The following SHTN1 variants were observed in gnomAD, a reference collection of about 807,000 sequenced individuals.
The protein encoded by SHTN1 is shootin-1.
A neutral mutation model predicts 83.1 loss-of-function variants in SHTN1; 42 were observed. The ratio of observed to expected loss-of-function variants is 0.51; its 90% CI spans 0.39 to 0.65. The LOEUF is 0.65. Ranked by LOEUF, SHTN1 falls within the 30% of genes least tolerant of loss-of-function variation. SHTN1 has a pLI of 0.00. For synonymous variants in SHTN1, 224 were observed against 247.7 expected, an observed-to-expected ratio of 0.90 and a Z score of 0.90; for missense variants, 622 against 737.8, an observed-to-expected ratio of 0.84 and a Z score of 1.82.
chr10:116,939,680 G>A (rs1849295517), intron 9 of SHTN1, among the ~76,000 whole-genome samples: 1 of 152,212 alleles, frequency 6.6e-6, no homozygotes, highest in South Asian at 2.1e-4. Context: ...CACCAAGTTT[G>A]TAAAAACTTC....
chr10:117,084,048 C>G (rs1853311828), intron 1 of SHTN1, among the ~76,000 whole-genome samples: 1 of 152,208 alleles, frequency 6.6e-6, no homozygotes, highest in Non-Finnish European at 1.5e-5. Flanking sequence ...CTCAGCTCGT[C>G]AAAGTCATTC....
chr10:116,965,448 C>T (rs558753446), intron 3 of SHTN1, among the ~76,000 whole-genome samples: 2 of 152,262 alleles, frequency 1.3e-5, no homozygotes, highest in South Asian at 2.1e-4. Flanking sequence ...ATCCAGGAGG[C>T]GGAGGTCGCA....
At chr10:116,940,443 G>C (rs775784212) in intron 9 of SHTN1, 23 bp downstream of exon 9, 2 of 1,611,788 alleles carry the variant, frequency 1.2e-6, no homozygotes, top group African/African-American at 2.7e-5. Flanking sequence ...GTGTACCTAA[G>C]ATTCCAGAAG....
At chr10:117,013,335 A>G (rs1411833933) in intron 2 of SHTN1, among the ~76,000 whole-genome samples, 1 of 151,898 alleles carries the variant, frequency 6.6e-6, no homozygotes, top group Admixed American at 6.6e-5. Context: ...CACCACGCCC[A>G]CCTAATTTTT....
intron 2 of SHTN1, among the ~76,000 whole-genome samples, chr10:117,028,024 G>T (rs925557421): frequency 1.3e-5 from 2 of 152,142 alleles, no homozygotes; most frequent in African/African-American, 4.8e-5. Flanking sequence ...GCTGATAGTG[G>T]TATTGACAGT....
At chr10:116,973,847 C>T (rs1850702143) in intron 2 of SHTN1, 2 of 1,275,380 alleles carry the variant, frequency 1.6e-6, no homozygotes, top group Non-Finnish European at 2.0e-6. Context: ...GTGTACTTTA[C>T]CTGTTTACCT....
chr10:117,050,227 T>C (rs1852721648), intron 1 of SHTN1, among the ~76,000 whole-genome samples: 1 of 151,746 alleles, frequency 6.6e-6, no homozygotes, highest in South Asian at 2.1e-4. Context: ...TGGAAAACAA[T>C]CAATAAAACT....
intron 15 of SHTN1, among the ~76,000 whole-genome samples, chr10:116,902,510 GAA>G (rs372851799): frequency 5.3e-5 from 8 of 152,276 alleles, no homozygotes; most frequent in African/African-American, 1.9e-4. Flanking sequence ...AATTAAGTGG[GAA>G]AGAGTTTGGC....
At chr10:117,004,865 CG>C (rs1851954579) in intron 1 of SHTN1, among the ~76,000 whole-genome samples, 156 bp downstream of exon 1, 1 of 152,200 alleles carries the variant, frequency 6.6e-6, no homozygotes, top group Non-Finnish European at 1.5e-5. Context: ...GCGCCGGCCA[CG>C]GAGGACGCTT....
intron 2 of SHTN1, among the ~76,000 whole-genome samples, chr10:117,040,899 T>C (rs1381635687): frequency 2.0e-5 from 3 of 151,966 alleles, no homozygotes; most frequent in East Asian, 1.9e-4. Flanking sequence ...TGTAATTTTA[T>C]TTTTATACTC....
chr10:116,934,575 G>T (rs183498977), intron 9 of SHTN1, among the ~76,000 whole-genome samples: 2 of 152,120 alleles, frequency 1.3e-5, no homozygotes. Flanking sequence ...CTGTAGCCTC[G>T]TAGCATAGTT....
At chr10:117,004,736 G>C (rs914327278) in intron 1 of SHTN1, among the ~76,000 whole-genome samples, 1 of 152,118 alleles carries the variant, frequency 6.6e-6, no homozygotes, top group African/African-American at 2.4e-5. Context: ...CTGAATCCTC[G>C]TCCCTTCCCC....
chr10:116,883,222 C>T lies in SHTN1; in HGVS notation c.*3122G>A, dbSNP rs987381167. 9 of 152,084 alleles carry T rather than the reference C, an allele frequency of 5.9e-5. No homozygotes were observed. Among genetic ancestry groups the T allele is most frequent in the African/African-American group, 1.7e-4 (7 of 41,408 alleles). The allele number at this position is 152,084 out of a possible 1,614,324, so 9.4% of individuals were successfully genotyped here. A position where few individuals can be genotyped will look rare whatever the true frequency, so the allele number is the denominator to read the frequency against. On this transcript the variant is annotated 3_prime_UTR_variant, in exon 17 of 17. Transcript: ENST00000355371. ...ATAATTAGCATTTTAATTTAAATTT[C>T]TTAGGGTGCTAGGCACTCTTTCTAC... is the stretch of plus-strand genomic sequence containing the variant.
At chr10:116,964,187 A>T (rs1253802616) in intron 3 of SHTN1, among the ~76,000 whole-genome samples, 6 of 152,268 alleles carry the variant, frequency 3.9e-5, no homozygotes, top group Admixed American at 3.9e-4. Flanking sequence ...TGCTTAGGAA[A>T]CAACTACCAT....
intron 1 of SHTN1, among the ~76,000 whole-genome samples, chr10:117,121,601 A>T (rs952729475): frequency 1.7e-4 from 26 of 152,072 alleles, no homozygotes; most frequent in Admixed American, 1.6e-3. Flanking sequence ...TATAAATTTT[A>T]TACATGTTTT....
chr10:117,095,874 A>C (rs1853496971), intron 1 of SHTN1, among the ~76,000 whole-genome samples: 2 of 152,210 alleles, frequency 1.3e-5, no homozygotes, highest in South Asian at 4.1e-4. Context: ...TCACAGAGAA[A>C]GCTACATGCC....
chr10:117,126,340 G>C (rs1006147003), exon 1 of SHTN1: 1 of 163,932 alleles, frequency 6.1e-6, no homozygotes, highest in Admixed American at 6.1e-5. Flanking sequence ...CTCCGTCGAC[G>C]GAAGCTGTGG....
intron 7 of SHTN1, among the ~76,000 whole-genome samples, chr10:116,945,694 G>GA (rs944648828): frequency 1.6e-4 from 24 of 151,782 alleles, no homozygotes; most frequent in East Asian, 1.5e-3. Context: ...GGTATGCAGT[G>GA]AAAAAAAACT....
intron 12 of SHTN1, among the ~76,000 whole-genome samples, chr10:116,918,342 C>A (rs1258191889): frequency 2.0e-5 from 3 of 151,002 alleles, no homozygotes; most frequent in Non-Finnish European, 4.4e-5. Context: ...AAAAAAAAGA[C>A]CCACAGACAA....
Sources: allele counts gnomAD v4.1 joint callset (sites outside exome capture counted in the v4.1 genomes callset), GRCh38; gene constraint gnomAD v4.1.1; transcripts MANE v1.5; gene names NCBI Gene and HGNC (gene_info 2026-07-23, HGNC 2026-07-21).